CCSER1: variants seen among roughly 807,000 people sequenced by gnomAD.
CCSER1 encodes serine-rich coiled-coil domain-containing protein 1.
CCSER1 carries 41 observed loss-of-function variants against 82.0 expected under a neutral mutation model. That is an observed-to-expected ratio of 0.50 (90% CI 0.39 to 0.65). The LOEUF is 0.65. CCSER1 is among the 30% of genes least tolerant of loss of function. The probability of loss-of-function intolerance (pLI) is 0.00; values close to 1 mark genes in which losing one functional copy is unlikely to be tolerated. For synonymous variants in CCSER1, 414 were observed against 383.9 expected (o/e 1.08, Z -0.92); for missense variants, 1,119 against 1,064.2 (o/e 1.05, Z -0.72).
At chr4:91,427,028 T>A (rs1490748203) in intron 10 of CCSER1, among the ~76,000 whole-genome samples, 1 of 152,142 alleles carries the variant, frequency 6.6e-6, no homozygotes, top group African/African-American at 2.4e-5. Flanking sequence ...CATAGAATAA[T>A]GATGGATTAA....
At chr4:90,326,451 G>A (rs1025074591) in intron 3 of CCSER1, among the ~76,000 whole-genome samples, 5 of 151,454 alleles carry the variant, frequency 3.3e-5, no homozygotes, top group East Asian at 3.9e-4. Flanking sequence ...TATTTTACTC[G>A]TGCTAAAAGT....
chr4:90,754,458 T>C (rs1289651825), intron 7 of CCSER1, among the ~76,000 whole-genome samples: 1 of 152,140 alleles, frequency 6.6e-6, no homozygotes, highest in East Asian at 1.9e-4. Flanking sequence ...AGTTATCTGG[T>C]CAAAACATCC....
chr4:90,837,027 A>C (rs980165784), intron 8 of CCSER1, among the ~76,000 whole-genome samples: 10 of 152,240 alleles, frequency 6.6e-5, no homozygotes, highest in Non-Finnish European at 4.4e-5. Flanking sequence ...GGCCACACTG[A>C]ATCATCTTTC....
intron 5 of CCSER1, among the ~76,000 whole-genome samples, chr4:90,604,546 T>TA (rs1160253186): frequency 1.3e-5 from 2 of 152,238 alleles, no homozygotes; most frequent in Non-Finnish European, 2.9e-5. Context: ...AGCATATTGT[T>TA]ACAGCATTAA....
chr4:91,372,968 G>A (rs1443492477), intron 10 of CCSER1, among the ~76,000 whole-genome samples: 1 of 151,408 alleles, frequency 6.6e-6, no homozygotes. Context: ...ATCAGGATGT[G>A]GATCCTCAGG....
At chr4:91,426,126 G>C (rs1353418448) in intron 10 of CCSER1, among the ~76,000 whole-genome samples, 1 of 152,224 alleles carries the variant, frequency 6.6e-6, no homozygotes, top group African/African-American at 2.4e-5. Flanking sequence ...CTATGAGTGA[G>C]CACATGCGGT....
intron 10 of CCSER1, among the ~76,000 whole-genome samples, chr4:91,201,196 A>G (rs1052317167): frequency 1.3e-5 from 2 of 152,034 alleles, no homozygotes; most frequent in African/African-American, 4.8e-5. Flanking sequence ...AATTCAACTT[A>G]TTTGTATTTC....
chr4:90,662,701 T>G (rs1003851327), intron 6 of CCSER1, among the ~76,000 whole-genome samples: 1 of 152,142 alleles, frequency 6.6e-6, no homozygotes, highest in Non-Finnish European at 1.5e-5. Flanking sequence ...ATATAAATTA[T>G]AAATAATTAA....
Position 90,682,363 on chromosome 4 carries a change from TAAG to T in CCSER1, c.1933-41547_1933-41545del, listed in dbSNP as rs903472521. On this transcript the variant is annotated intron_variant, in intron 6 of 10. Transcript: ENST00000509176. ...ATTTTTAAAATTTTGTGTAAAATGA[TAAG>T]AAGGCACTTTTTACCAGATATAGTA... 3.8e-4 allele frequency among the ~76,000 whole-genome samples: 58 copies of T among 152,042 alleles called. 1 individual carries two copies. Among genetic ancestry groups the T allele is most frequent in the African/African-American group, 1.3e-3 (52 of 41,436 alleles).
intron 9 of CCSER1, chr4:90,951,303 TA>T (rs1732886763): frequency 6.6e-6 from 1 of 152,048 alleles, no homozygotes. Context: ...AAATTTACTT[TA>T]AAAAACTACT....
chr4:91,561,779 AT>A (rs1377019142), intron 10 of CCSER1, among the ~76,000 whole-genome samples: 1 of 150,490 alleles, frequency 6.6e-6, no homozygotes, highest in Non-Finnish European at 1.5e-5. Flanking sequence ...CTGCTGCTGA[AT>A]TTTTTTTTCA....
chr4:90,967,676 A>G (rs1470616967), intron 9 of CCSER1, among the ~76,000 whole-genome samples: 1 of 152,106 alleles, frequency 6.6e-6, no homozygotes, highest in Non-Finnish European at 1.5e-5. Flanking sequence ...AAGCACAATA[A>G]ACAACTATAA....
chr4:91,021,090 T>C (rs1325507704), intron 9 of CCSER1, among the ~76,000 whole-genome samples: 1 of 152,152 alleles, frequency 6.6e-6, no homozygotes, highest in Non-Finnish European at 1.5e-5. Flanking sequence ...TAAATCCCTA[T>C]ATAGATACAA....
intron 9 of CCSER1, among the ~76,000 whole-genome samples, chr4:91,020,249 A>G (rs1469264208): frequency 1.3e-5 from 2 of 152,216 alleles, no homozygotes; most frequent in Non-Finnish European, 2.9e-5. Context: ...AGATGTTGCT[A>G]CAGACCCACA....
chr4:90,569,314 C>T (rs1779835197), intron 5 of CCSER1, among the ~76,000 whole-genome samples: 2 of 152,064 alleles, frequency 1.3e-5, no homozygotes. Context: ...GAACCCAGCT[C>T]CACATTTGTG....
At chr4:91,022,954 G>A (rs1303028493) in intron 9 of CCSER1, among the ~76,000 whole-genome samples, 1 of 152,100 alleles carries the variant, frequency 6.6e-6, no homozygotes, top group African/African-American at 2.4e-5. Context: ...CTCCCATTCT[G>A]TAGGTTGCCT....
chr4:91,227,368 T>C (rs961943827), intron 10 of CCSER1, among the ~76,000 whole-genome samples: 1 of 151,108 alleles, frequency 6.6e-6, no homozygotes, highest in African/African-American at 2.4e-5. Context: ...GTGATTTCTC[T>C]TGGCTGGAAT....
intron 3 of CCSER1, among the ~76,000 whole-genome samples, chr4:90,391,483 TATACAC>T (rs1238293023): frequency 7.5e-4 from 64 of 84,938 alleles, no homozygotes; most frequent in African/African-American, 2.1e-3. Context: ...TATATATATA[TATACAC>T]ACACACAGTG....
At chr4:91,132,224 C>A (rs927919820) in intron 10 of CCSER1, among the ~76,000 whole-genome samples, 3 of 151,906 alleles carry the variant, frequency 2.0e-5, no homozygotes, top group Non-Finnish European at 2.9e-5. Context: ...GTTCAGATGA[C>A]CTTGGTGACT....
Sources: allele counts gnomAD v4.1 joint callset (sites outside exome capture counted in the v4.1 genomes callset), GRCh38; gene constraint gnomAD v4.1.1; transcripts MANE v1.5; gene names NCBI Gene and HGNC (gene_info 2026-07-23, HGNC 2026-07-21).